COL25A1: variants seen among roughly 807,000 people sequenced by gnomAD.
The protein encoded by COL25A1 is collagen type XXV alpha 1 chain.
In COL25A1, 103 loss-of-function variants were observed where a neutral mutation model predicts 128.4. The observed-to-expected ratio is 0.80, with a 90% CI of 0.68 to 0.94. COL25A1 has a LOEUF of 0.94. Among genes scored for constraint, COL25A1 ranks in the 40% least tolerant of loss-of-function variants. COL25A1 has a pLI of 0.00. For missense variants in COL25A1, 745 were observed against 840.0 expected, an observed-to-expected ratio of 0.89 and a Z score of 1.40; for synonymous variants, 279 against 277.2, an observed-to-expected ratio of 1.01 and a Z score of -0.06.
chr4:108,894,454 C>T (rs1741904514), intron 16 of COL25A1, among the ~76,000 whole-genome samples: 1 of 151,996 alleles, frequency 6.6e-6, no homozygotes, highest in Non-Finnish European at 1.5e-5. Context: ...TGGCCACCTG[C>T]AAGACCCAGG....
At chr4:109,141,667 T>G (rs1770418577) in intron 3 of COL25A1, among the ~76,000 whole-genome samples, 1 of 152,138 alleles carries the variant, frequency 6.6e-6, no homozygotes, top group Non-Finnish European at 1.5e-5. Context: ...CTTGGAAGGG[T>G]GTATGTGTCC....
chr4:109,050,218 T>C, intron 3 of COL25A1, 39 bp from the exon 4 acceptor site: 1 of 1,545,052 alleles, frequency 6.5e-7, no homozygotes, highest in African/African-American at 1.4e-5. Context: ...GTAGTTTAAT[T>C]CTTTTTCCTG....
intron 16 of COL25A1, among the ~76,000 whole-genome samples, chr4:108,890,500 CAGAT>C (rs1019515998): frequency 5.3e-5 from 8 of 152,114 alleles, no homozygotes; most frequent in African/African-American, 1.9e-4. Context: ...TATAAATAAG[CAGAT>C]AGGAACTAAT....
chr4:108,961,170 T>C (rs1234580777), intron 8 of COL25A1, among the ~76,000 whole-genome samples: 1 of 152,154 alleles, frequency 6.6e-6, no homozygotes, highest in Non-Finnish European at 1.5e-5. Flanking sequence ...AGGTTCACAT[T>C]TGTGCATGTT....
At chr4:108,844,863 T>C (rs1002839954) in intron 29 of COL25A1, among the ~76,000 whole-genome samples, 1 of 152,220 alleles carries the variant, frequency 6.6e-6, no homozygotes, top group Non-Finnish European at 1.5e-5. Context: ...AACTCAAATA[T>C]TTCACTAAGC....
At chr4:109,279,737 T>C (rs187307666) in intron 3 of COL25A1, among the ~76,000 whole-genome samples, 237 of 152,366 alleles carry the variant, frequency 1.6e-3, no homozygotes, top group African/African-American at 5.2e-3. Context: ...ATTGTATTAA[T>C]TATTTTTTGT....
At chr4:109,216,133 A>G (rs1021919525) in intron 3 of COL25A1, among the ~76,000 whole-genome samples, 5 of 152,086 alleles carry the variant, frequency 3.3e-5, no homozygotes, top group Admixed American at 1.3e-4. Context: ...TCACTTGTCT[A>G]TTGACTTAGA....
chr4:108,894,204 A>T (rs1741869632), intron 16 of COL25A1, among the ~76,000 whole-genome samples: 1 of 152,228 alleles, frequency 6.6e-6, no homozygotes, highest in Non-Finnish European at 1.5e-5. Context: ...CTGTTTTACC[A>T]TTGTAAAATT....
intron 3 of COL25A1, among the ~76,000 whole-genome samples, chr4:109,238,448 G>A (rs1779613485): frequency 6.6e-6 from 1 of 151,978 alleles, no homozygotes; most frequent in Admixed American, 6.6e-5. Context: ...ATCTCTGCTT[G>A]CAATTTTTGT....
intron 3 of COL25A1, among the ~76,000 whole-genome samples, chr4:109,128,946 A>G (rs1327016592): frequency 6.6e-6 from 1 of 152,186 alleles, no homozygotes; most frequent in Non-Finnish European, 1.5e-5. Context: ...AAAGTCAGGA[A>G]TTTCTGAACT....
At chr4:108,864,187 T>A (rs937268304) in intron 20 of COL25A1, among the ~76,000 whole-genome samples, 1 of 152,188 alleles carries the variant, frequency 6.6e-6, no homozygotes, top group Admixed American at 6.5e-5. Flanking sequence ...TAAATGCCTG[T>A]CAAATAGCTA....
chr4:109,056,638 TA>T (rs66921470), intron 3 of COL25A1, among the ~76,000 whole-genome samples: 30 of 148,682 alleles, frequency 2.0e-4, no homozygotes, highest in Middle Eastern at 6.9e-3. Context: ...ACAAAAAGAT[TA>T]AAAAAAAAAA....
At chr4:109,166,531 T>C (rs1294122706) in intron 3 of COL25A1, among the ~76,000 whole-genome samples, 11 of 152,224 alleles carry the variant, frequency 7.2e-5, no homozygotes, top group Admixed American at 6.5e-4. Flanking sequence ...AAACAAGCCA[T>C]CTACTGTGAC....
At position 109,224,844 on chromosome 4, in the gene COL25A1, G is replaced by A. The variant is rs536584061; in HGVS notation, c.367+75739C>T. ...AATCCCAGCTACTCGGGAGGCTGAG[G>A]CAGGAGAATCGCTTGAACCCGGGAG... On this transcript the variant is annotated intron_variant, in intron 3 of 37. Coordinates refer to ENST00000399132, the MANE Select transcript of COL25A1 (RefSeq NM_198721.4). 1.2e-4 allele frequency among the ~76,000 whole-genome samples: 19 copies of A among 152,308 alleles called. No homozygotes were observed. In the East Asian group the frequency reaches 3.7e-3, roughly 29 times the overall value.
chr4:109,070,354 T>A (rs1762823257), intron 3 of COL25A1, among the ~76,000 whole-genome samples: 1 of 108,320 alleles, frequency 9.2e-6, no homozygotes, highest in African/African-American at 3.0e-5. Flanking sequence ...TGCATAACAT[T>A]TTTTAATCTT....
intron 3 of COL25A1, among the ~76,000 whole-genome samples, chr4:109,156,119 T>C (rs1461248300): frequency 6.6e-6 from 1 of 152,186 alleles, no homozygotes; most frequent in Non-Finnish European, 1.5e-5. Context: ...TTTGACCTCC[T>C]GAGAAAGAAT....
chr4:109,190,600 G>C lies in COL25A1; in HGVS notation c.367+109983C>G, dbSNP rs191210012. Among the ~76,000 whole-genome samples, 14 of 152,312 alleles carry C rather than the reference G, an allele frequency of 9.2e-5. 1 individual carries two copies. The highest frequency in any genetic ancestry group is 4.6e-4 in the Admixed American group (7 of 15,290). ...ACAGTAGGTTGGTCAGCATCTAAGA[G>C]AAAGTATGAATGGATATAATGGAAA... On this transcript the variant is annotated intron_variant, in intron 3 of 37. Transcript: ENST00000399132.
intron 3 of COL25A1, among the ~76,000 whole-genome samples, chr4:109,263,981 T>C (rs1781618871): frequency 6.6e-6 from 1 of 152,208 alleles, no homozygotes; most frequent in Non-Finnish European, 1.5e-5. Context: ...TCATGTCACT[T>C]AGAGCCTAAT....
At chr4:109,240,396 TC>T (rs1298535079) in intron 3 of COL25A1, among the ~76,000 whole-genome samples, 2 of 152,042 alleles carry the variant, frequency 1.3e-5, no homozygotes, top group Admixed American at 1.3e-4. Flanking sequence ...ATCTGATGGG[TC>T]ATATATGCAG....
Sources: allele counts gnomAD v4.1 joint callset (sites outside exome capture counted in the v4.1 genomes callset), GRCh38; gene constraint gnomAD v4.1.1; transcripts MANE v1.5; gene names NCBI Gene and HGNC (gene_info 2026-07-23, HGNC 2026-07-21).